The following LYSMD2 variants were observed in gnomAD, a reference collection of about 807,000 sequenced individuals.
LYSMD2 encodes LysM domain containing 2, also known as lysM and putative peptidoglycan-binding domain-containing protein 2.
A neutral mutation model predicts 17.7 loss-of-function variants in LYSMD2; 6 were observed. The observed-to-expected ratio is 0.34, with a 90% confidence interval of 0.19 to 0.67. The LOEUF (loss-of-function observed/expected upper bound fraction) is 0.67, where lower values mean the gene tolerates loss of function less well. Ranked by LOEUF, LYSMD2 falls within the 30% of genes least tolerant of loss-of-function variation. The pLI is 0.69. For missense variants in LYSMD2, 237 were observed against 286.7 expected, an observed-to-expected ratio of 0.83 and a Z score of 1.25; for synonymous variants, 102 against 129.8, an observed-to-expected ratio of 0.79 and a Z score of 1.45.
rs2077118951 is a variant in LYSMD2, at chr15:51,723,532, T to C, written c.*75A>G. ...CTATAGGAATCCAGAAGGGATGTTT[T>C]TGAATCTTCAGTTGTTGGATTCTTT... On this transcript the variant is annotated 3_prime_UTR_variant, in exon 3 of 3. Coordinates refer to ENST00000267838, the MANE Select transcript of LYSMD2 (RefSeq NM_153374.3). The C allele has an allele frequency of 8.2e-7, 1 of 1,226,322 alleles. No individual in the cohort carries two copies. The highest frequency in any genetic ancestry group is 1.2e-6 in the Non-Finnish European group (1 of 829,630). 76.0% of individuals were successfully genotyped at this position (1,226,322 alleles called of 1,614,324 possible).
At chr15:51,725,952 A>G (rs2055537545) in intron 1 of LYSMD2, among the ~76,000 whole-genome samples, 1 of 152,214 alleles carries the variant, frequency 6.6e-6, no homozygotes, top group South Asian at 2.1e-4. Context: ...TAAAGTACAC[A>G]ACTAATGAAA....
intron 1 of LYSMD2, among the ~76,000 whole-genome samples, chr15:51,726,971 C>G (rs746917098): frequency 5.3e-5 from 8 of 152,136 alleles, no homozygotes; most frequent in Non-Finnish European, 1.0e-4. Flanking sequence ...ACTATTAATT[C>G]TTTGAGGGCA....
At chr15:51,734,904 G>A (rs1405336480) in intron 1 of LYSMD2, among the ~76,000 whole-genome samples, 3 of 152,216 alleles carry the variant, frequency 2.0e-5, no homozygotes, top group Non-Finnish European at 4.4e-5. Context: ...GACCAGTGCA[G>A]TGGCTCACAC....
chr15:51,749,879 T>C (rs2055688601), intron 1 of LYSMD2, among the ~76,000 whole-genome samples: 2 of 152,210 alleles, frequency 1.3e-5, no homozygotes, highest in Non-Finnish European at 2.9e-5. Flanking sequence ...CCCATTTCAT[T>C]TAACTCTTTC....
intron 1 of LYSMD2, among the ~76,000 whole-genome samples, chr15:51,734,051 C>T (rs1014310128): frequency 5.9e-5 from 9 of 152,000 alleles, no homozygotes; most frequent in African/African-American, 1.9e-4. Flanking sequence ...GGCATGGTGG[C>T]GTGTGCTTAA....
chr15:51,737,239 A>AG lies in LYSMD2; in HGVS notation c.273+110_273+111insC. 3.1e-5 allele frequency: 6 copies of AG among 194,520 alleles called. No homozygotes were observed. The highest frequency in any genetic ancestry group is 1.7e-4 in the East Asian group (1 of 5,812). The allele number at this position is 194,520 out of a possible 1,614,324, so 12.0% of individuals were successfully genotyped here. ...CGCACGGCCGTCCCTGCGACTCCCCATCCCCCAAACCCCCACCCGCAGTCC... is the reference window on the plus strand; with the variant it reads ...CGCACGGCCGTCCCTGCGACTCCCCAGTCCCCCAAACCCCCACCCGCAGTCC... On this transcript the variant is annotated intron_variant, in intron 1 of 2. Coordinates refer to ENST00000267838, the MANE Select transcript of LYSMD2 (RefSeq NM_153374.3). This position sits in a 1 kb window ranked among gnomAD's most constrained non-coding sequence, Gnocchi z 4.2.
At chr15:51,737,735 G>A, upstream of LYSMD2, 1 of 794,462 alleles carries the variant, frequency 1.3e-6, no homozygotes, top group Non-Finnish European at 1.7e-6. The surrounding 1 kb of genome is among the most constrained non-coding windows in gnomAD (Gnocchi z 4.2). Flanking sequence ...AGGCCGTTCC[G>A]CGGGGGCGGC....
At chr15:51,729,490 G>A (rs1055535229) in intron 1 of LYSMD2, among the ~76,000 whole-genome samples, 7 of 152,102 alleles carry the variant, frequency 4.6e-5, no homozygotes, top group South Asian at 2.1e-4. Flanking sequence ...ATGCAGTCTC[G>A]CTCTGTCACC....
intron 1 of LYSMD2, among the ~76,000 whole-genome samples, chr15:51,730,937 T>C (rs1172718039): frequency 2.6e-5 from 4 of 152,188 alleles, no homozygotes; most frequent in South Asian, 2.1e-4. Context: ...GACCCCTCCA[T>C]TGCTATGTGT....
intron 1 of LYSMD2, among the ~76,000 whole-genome samples, chr15:51,731,843 A>C (rs1323471286): frequency 6.6e-6 from 1 of 152,184 alleles, no homozygotes; most frequent in Non-Finnish European, 1.5e-5. Flanking sequence ...GATCACTGAA[A>C]AAGCAATAGC....
At chr15:51,726,329 G>A (rs540550344) in intron 1 of LYSMD2, among the ~76,000 whole-genome samples, 1 of 152,212 alleles carries the variant, frequency 6.6e-6, no homozygotes, top group African/African-American at 2.4e-5. Flanking sequence ...CACTTTGCCC[G>A]TAGCAGGTTC....
chr15:51,727,605 T>G (rs549152151), intron 1 of LYSMD2, among the ~76,000 whole-genome samples: 1 of 152,290 alleles, frequency 6.6e-6, no homozygotes, highest in Admixed American at 6.5e-5. Flanking sequence ...CAGAGCACAA[T>G]GGGCCATCAA....
At chr15:51,751,260 G>T (rs1330401151) in intron 1 of LYSMD2, 1 of 701,954 alleles carries the variant, frequency 1.4e-6, no homozygotes, top group East Asian at 2.7e-5. Context: ...TGGGGCGGGC[G>T]GGGTCTGTAC....
At position 51,723,202 on chromosome 15, in the gene LYSMD2, T is replaced by A. The variant is rs2141589279; in HGVS notation, c.*405A>T. On this transcript the variant is annotated 3_prime_UTR_variant, in exon 3 of 3. Transcript: ENST00000267838. ...AAATATATATATAGCACTTAAGTTATAAACACACAGCAAATTCAGCATCAC... is the reference window on the plus strand; with the variant it reads ...AAATATATATATAGCACTTAAGTTAAAAACACACAGCAAATTCAGCATCAC... 5.9e-6 allele frequency: 1 copy of A among 169,568 alleles called. No individual in the cohort carries two copies. Among genetic ancestry groups the A allele is most frequent in the African/African-American group, 2.4e-5 (1 of 41,706 alleles). The allele number at this position is 169,568 out of a possible 1,614,324, so 10.5% of individuals were successfully genotyped here.
At chr15:51,733,206 C>A (rs2055587272) in intron 1 of LYSMD2, among the ~76,000 whole-genome samples, 1 of 151,980 alleles carries the variant, frequency 6.6e-6, no homozygotes, top group Admixed American at 6.6e-5. Flanking sequence ...CCTCCCTTAC[C>A]TCCTTCTCAG....
intron 1 of LYSMD2, among the ~76,000 whole-genome samples, chr15:51,743,490 T>C (rs1207822052): frequency 1.3e-5 from 2 of 152,270 alleles, no homozygotes; most frequent in African/African-American, 4.8e-5. Flanking sequence ...GATCTATTTG[T>C]CTATTGTTTC....
chr15:51,727,628 G>C (rs1177002557), intron 1 of LYSMD2, among the ~76,000 whole-genome samples: 8 of 152,146 alleles, frequency 5.3e-5, no homozygotes, highest in Non-Finnish European at 1.2e-4. Context: ...CCAGGCAAGG[G>C]GCCTACAGAG....
At chr15:51,751,436 G>C in exon 1 of LYSMD2, 1 of 682,670 alleles carries the variant, frequency 1.5e-6, no homozygotes. Flanking sequence ...CTGCAGAGCT[G>C]TGGCGGGGTT....
chr15:51,732,700 C>A (rs562105195), intron 1 of LYSMD2, among the ~76,000 whole-genome samples: 1 of 152,286 alleles, frequency 6.6e-6, no homozygotes, highest in East Asian at 1.9e-4. Flanking sequence ...ATGCCCAGGC[C>A]CATCTCTAGG....
Sources: allele counts gnomAD v4.1 joint callset (sites outside exome capture counted in the v4.1 genomes callset), GRCh38; gene constraint gnomAD v4.1.1; non-coding constraint Gnocchi (gnomAD v3.1); transcripts MANE v1.5; gene names NCBI Gene and HGNC (gene_info 2026-07-23, HGNC 2026-07-21).